The following SSBP2 variants were observed in gnomAD, a reference collection of about 807,000 sequenced individuals.
SSBP2 encodes single stranded DNA binding protein 2, also known as single-stranded DNA-binding protein 2.
SSBP2 carries 17 observed loss-of-function variants against 61.8 expected under a neutral mutation model. The ratio of observed to expected loss-of-function variants is 0.28; its 90% CI spans 0.19 to 0.41. The LOEUF (loss-of-function observed/expected upper bound fraction) is 0.41, where lower values mean the gene tolerates loss of function less well. SSBP2 is among the 10% of genes least tolerant of loss of function. SSBP2 has a pLI of 1.00. For missense variants in SSBP2, 310 were observed against 458.7 expected (o/e 0.68, Z 2.96); for synonymous variants, 139 against 141.3 (o/e 0.98, Z 0.12).
intron 2 of SSBP2, among the ~76,000 whole-genome samples, chr5:81,648,533 C>T (rs995491642): frequency 3.9e-5 from 6 of 152,074 alleles, no homozygotes; most frequent in African/African-American, 1.4e-4. Flanking sequence ...AAGGCTATAC[C>T]TCAGGCAGGG....
chr5:81,456,633 A>G (rs1034547588), intron 10 of SSBP2, among the ~76,000 whole-genome samples: 2 of 152,140 alleles, frequency 1.3e-5, no homozygotes, highest in Non-Finnish European at 1.5e-5. Flanking sequence ...GGGAGTTTGT[A>G]AATAAACCTC....
At chr5:81,751,243 G>A, upstream of SSBP2, 1 of 601,112 alleles carries the variant, frequency 1.7e-6, no homozygotes. Context: ...GCGCGCGGTG[G>A]CGGCTAAGCC....
At chr5:81,508,461 T>C (rs1396983439) in intron 5 of SSBP2, among the ~76,000 whole-genome samples, 1 of 152,208 alleles carries the variant, frequency 6.6e-6, no homozygotes, top group African/African-American at 2.4e-5. Flanking sequence ...CTAGTCTTAC[T>C]GATTTTACTT....
chr5:81,675,271 A>G (rs2075138312), intron 1 of SSBP2, among the ~76,000 whole-genome samples: 1 of 152,210 alleles, frequency 6.6e-6, no homozygotes, highest in Admixed American at 6.6e-5. Context: ...CCCCAGCTAA[A>G]AAATAATAGT....
chr5:81,696,754 G>T (rs1366828099), intron 1 of SSBP2, among the ~76,000 whole-genome samples: 1 of 152,162 alleles, frequency 6.6e-6, no homozygotes, highest in Non-Finnish European at 1.5e-5. Flanking sequence ...GTGGGCAGAG[G>T]GGGGCAGCAT....
intron 1 of SSBP2, among the ~76,000 whole-genome samples, chr5:81,671,028 T>C (rs919188753): frequency 6.6e-6 from 1 of 152,164 alleles, no homozygotes; most frequent in South Asian, 2.1e-4. Flanking sequence ...ATATCCGACC[T>C]GTACTCCTTA....
At chr5:81,711,878 T>G (rs28405913) in intron 1 of SSBP2, among the ~76,000 whole-genome samples, 6,782 of 151,948 alleles carry the variant, frequency 0.045, 200 homozygotes, top group East Asian at 0.12. Flanking sequence ...GTGCCTCGGT[T>G]TCCTCACCTG....
At chr5:81,478,974 G>A (rs975432614) in intron 6 of SSBP2, among the ~76,000 whole-genome samples, 1 of 152,114 alleles carries the variant, frequency 6.6e-6, no homozygotes, top group Non-Finnish European at 1.5e-5. Flanking sequence ...TAAAAATATG[G>A]CATAATCTTA....
intron 12 of SSBP2, among the ~76,000 whole-genome samples, chr5:81,445,275 G>A (rs1344326593): frequency 6.8e-6 from 1 of 148,018 alleles, no homozygotes; most frequent in Non-Finnish European, 1.5e-5. Flanking sequence ...TGGGGTGCTG[G>A]CTGAGTATTA....
intron 1 of SSBP2, among the ~76,000 whole-genome samples, chr5:81,659,684 C>T (rs1445382983): frequency 1.3e-5 from 2 of 151,752 alleles, no homozygotes; most frequent in African/African-American, 4.8e-5. Flanking sequence ...TATATGGAAC[C>T]AAAAAAAGAG....
chr5:81,599,144 A>G (rs559245429), intron 4 of SSBP2, among the ~76,000 whole-genome samples: 1 of 152,316 alleles, frequency 6.6e-6, no homozygotes, highest in African/African-American at 2.4e-5. Flanking sequence ...AGTGAAACTG[A>G]GTCTCTGCCA....
chr5:81,696,691 A>C (rs374027079), intron 1 of SSBP2, among the ~76,000 whole-genome samples: 169 of 152,350 alleles, frequency 1.1e-3, no homozygotes, highest in African/African-American at 3.6e-3. Context: ...TCCCTGTACC[A>C]AACAAGCTAA....
chr5:81,722,007 A>T (rs528348498), intron 1 of SSBP2, among the ~76,000 whole-genome samples: 2 of 151,916 alleles, frequency 1.3e-5, no homozygotes, highest in African/African-American at 4.8e-5. Context: ...ACAAAAAAAA[A>T]TCTTTCCTTC....
At chr5:81,633,905 C>CTAAG (rs1423552776) in intron 3 of SSBP2, among the ~76,000 whole-genome samples, 1 of 152,248 alleles carries the variant, frequency 6.6e-6, no homozygotes, top group East Asian at 1.9e-4. Context: ...CACGAGCCTT[C>CTAAG]TAAGTGCTCC....
At chr5:81,586,798 T>C (rs59039012) in intron 4 of SSBP2, among the ~76,000 whole-genome samples, 6,071 of 152,082 alleles carry the variant, frequency 0.04, 147 homozygotes, top group African/African-American at 0.065. Context: ...TCTGTCTTTA[T>C]AAACAATATG....
Position 81,541,136 on chromosome 5 carries a change from G to C in SSBP2, c.283-27419C>G, listed in dbSNP as rs534828198. 2.8e-4 allele frequency among the ~76,000 whole-genome samples: 42 copies of C among 152,082 alleles called. No homozygotes were observed. The South Asian group carries it at 3.5e-3, about 13-fold the overall frequency. ...TATATACTAATCATGTTCAAGCTGA[G>C]AGCCAAACCAAGAATGCAATCCCAT... On this transcript the variant is annotated intron_variant, in intron 4 of 16. Transcript: ENST00000320672.
intron 4 of SSBP2, chr5:81,615,008 G>C (rs1745864216): frequency 6.6e-6 from 1 of 152,538 alleles, no homozygotes. Flanking sequence ...AATTTTATTT[G>C]GGGAAGTGAA....
At chr5:81,707,547 C>G (rs2153911391) in intron 1 of SSBP2, among the ~76,000 whole-genome samples, 1 of 152,288 alleles carries the variant, frequency 6.6e-6, no homozygotes, top group South Asian at 2.1e-4. Context: ...AGGAACCAAT[C>G]CCACCAACAC....
chr5:81,440,409 G>A (rs1187945703), intron 14 of SSBP2, 149 bp downstream of exon 14: 2 of 589,816 alleles, frequency 3.4e-6, no homozygotes, highest in Non-Finnish European at 6.1e-6. Flanking sequence ...CCAATAAAAT[G>A]TCAATTAAAC....
Sources: gnomAD v4.1 joint callset for allele counts (sites outside exome capture counted in the v4.1 genomes callset) on GRCh38, gnomAD v4.1.1 for gene constraint, MANE v1.5 for transcripts, NCBI Gene and HGNC (gene_info 2026-07-23, HGNC 2026-07-21) for gene names.